The following CAMK1D variants were observed in gnomAD, a reference collection of about 807,000 sequenced individuals.
CAMK1D encodes the protein calcium/calmodulin dependent protein kinase ID.
Under a neutral mutation model 47.7 loss-of-function variants are expected in CAMK1D, and 9 were observed. The observed-to-expected ratio is 0.19, with a 90% confidence interval of 0.11 to 0.33. CAMK1D has a LOEUF of 0.33. CAMK1D is among the 10% of genes least tolerant of loss of function. CAMK1D has a pLI of 1.00. For synonymous variants in CAMK1D, 184 were observed against 184.9 expected (o/e 0.99, Z 0.04); for missense variants, 291 against 488.7 (o/e 0.60, Z 3.81).
At chr10:12,725,985 G>T (rs1426282195) in intron 3 of CAMK1D, among the ~76,000 whole-genome samples, 1 of 151,994 alleles carries the variant, frequency 6.6e-6, no homozygotes, top group Non-Finnish European at 1.5e-5. Context: ...TCAAACTCCT[G>T]ATCTCAGGTG....
At chr10:12,480,572 G>T (rs1290315987) in intron 1 of CAMK1D, among the ~76,000 whole-genome samples, 1 of 152,190 alleles carries the variant, frequency 6.6e-6, no homozygotes, top group Non-Finnish European at 1.5e-5. Flanking sequence ...TAACCACTTG[G>T]GCTCAGATGA....
Position 12,519,400 on chromosome 10 carries a change from C to G in CAMK1D, c.93-33825C>G, listed in dbSNP as rs1386802860. ...GACGGGGCGGCTGGCCGACCCCCCC[C>G]CCCCCGCCTCCCTCCCGGACGGGGC... On this transcript the variant is annotated intron_variant, in intron 1 of 10. Coordinates refer to ENST00000619168, the MANE Select transcript of CAMK1D (RefSeq NM_153498.4). 1.4e-4 allele frequency among the ~76,000 whole-genome samples: 2 copies of G among 14,550 alleles called. 1 individual carries two copies. The highest frequency in any genetic ancestry group is 3.1e-4 in the Non-Finnish European group (2 of 6,544). 9.5% of individuals were successfully genotyped at this position (14,550 alleles called of 152,430 possible).
At chr10:12,504,924 G>A (rs1834824242) in intron 1 of CAMK1D, among the ~76,000 whole-genome samples, 1 of 152,170 alleles carries the variant, frequency 6.6e-6, no homozygotes, top group Non-Finnish European at 1.5e-5. Context: ...CGGATCTCTT[G>A]CAGGCAGGGT....
At chr10:12,756,499 G>T (rs1228907493) in intron 3 of CAMK1D, among the ~76,000 whole-genome samples, 1 of 152,178 alleles carries the variant, frequency 6.6e-6, no homozygotes, top group Non-Finnish European at 1.5e-5. Flanking sequence ...TGAAAGAAAT[G>T]GGATCATGTA....
chr10:12,503,353 C>T (rs542961187), intron 1 of CAMK1D, among the ~76,000 whole-genome samples: 11 of 152,164 alleles, frequency 7.2e-5, no homozygotes, highest in Non-Finnish European at 1.2e-4. Flanking sequence ...CATGAGTGAA[C>T]GTAAAACAAC....
At chr10:12,745,042 G>A (rs1835600442) in intron 3 of CAMK1D, among the ~76,000 whole-genome samples, 1 of 152,206 alleles carries the variant, frequency 6.6e-6, no homozygotes, top group Admixed American at 6.5e-5. Flanking sequence ...GTCCATTCTG[G>A]ACTCCCTCAT....
chr10:12,406,277 T>G (rs1357640203), intron 1 of CAMK1D, among the ~76,000 whole-genome samples: 1 of 152,156 alleles, frequency 6.6e-6, no homozygotes, highest in Non-Finnish European at 1.5e-5. Context: ...AACAGCTCCC[T>G]CCCTGGTTCA....
chr10:12,434,671 C>T (rs1832577092), intron 1 of CAMK1D, among the ~76,000 whole-genome samples: 2 of 152,204 alleles, frequency 1.3e-5, no homozygotes, highest in Non-Finnish European at 2.9e-5. Flanking sequence ...AAGTGAAAAA[C>T]GTCCTTGTGC....
intron 3 of CAMK1D, among the ~76,000 whole-genome samples, chr10:12,679,215 T>C (rs45535437): frequency 0.012 from 1,807 of 152,356 alleles, 19 homozygotes; most frequent in Admixed American, 0.02. Flanking sequence ...ATATGAACAA[T>C]TGTAACCTTT....
intron 1 of CAMK1D, among the ~76,000 whole-genome samples, chr10:12,354,939 T>C (rs1837464124): frequency 6.6e-6 from 1 of 151,120 alleles, no homozygotes; most frequent in African/African-American, 2.4e-5. Context: ...ACTCCTGGGC[T>C]CAAGTGATTC....
At chr10:12,351,286 A>G (rs765484600) in intron 1 of CAMK1D, among the ~76,000 whole-genome samples, 28 of 152,188 alleles carry the variant, frequency 1.8e-4, no homozygotes, top group Non-Finnish European at 4.0e-4. Context: ...ATGAAAACAG[A>G]AAAAGATGTA....
intron 1 of CAMK1D, among the ~76,000 whole-genome samples, chr10:12,451,875 C>T (rs1467427934): frequency 2.0e-5 from 3 of 152,048 alleles, no homozygotes; most frequent in Admixed American, 6.6e-5. Flanking sequence ...CTCAGTGTCC[C>T]GGGGGCTACT....
At chr10:12,645,676 G>A (rs538190554) in intron 2 of CAMK1D, among the ~76,000 whole-genome samples, 1 of 152,298 alleles carries the variant, frequency 6.6e-6, no homozygotes, top group South Asian at 2.1e-4. Context: ...TGGAGCTAGC[G>A]TTCCCCAAAA....
intron 2 of CAMK1D, among the ~76,000 whole-genome samples, chr10:12,588,443 A>G (rs759174196): frequency 2.0e-5 from 3 of 152,334 alleles, no homozygotes; most frequent in African/African-American, 4.8e-5. Context: ...CGTGCTCTCA[A>G]TAAGTGCTCG....
At chr10:12,562,241 A>AC (rs1205723202) in intron 2 of CAMK1D, among the ~76,000 whole-genome samples, 4 of 151,844 alleles carry the variant, frequency 2.6e-5, no homozygotes, top group East Asian at 1.9e-4. Flanking sequence ...TGAAGAGACC[A>AC]CCCCCCCTTA....
intron 1 of CAMK1D, among the ~76,000 whole-genome samples, chr10:12,528,367 A>G (rs1168044104): frequency 1.3e-5 from 2 of 152,256 alleles, no homozygotes; most frequent in African/African-American, 4.8e-5. Context: ...AGTGCCTCAC[A>G]TTGATCATCC....
At chr10:12,647,251 C>A (rs771936189) in intron 2 of CAMK1D, among the ~76,000 whole-genome samples, 1 of 145,356 alleles carries the variant, frequency 6.9e-6, no homozygotes, top group Non-Finnish European at 1.5e-5. Context: ...CCAGTTGAAG[C>A]GATCCTCCTG....
chr10:12,648,175 A>G (rs1278229650), intron 2 of CAMK1D, among the ~76,000 whole-genome samples: 1 of 152,236 alleles, frequency 6.6e-6, no homozygotes, highest in Non-Finnish European at 1.5e-5. Flanking sequence ...TCCAGGACAT[A>G]CAGCCATTGT....
chr10:12,376,966 G>C (rs1422373452), intron 1 of CAMK1D, among the ~76,000 whole-genome samples: 1 of 151,980 alleles, frequency 6.6e-6, no homozygotes, highest in Non-Finnish European at 1.5e-5. Flanking sequence ...TCACCATGTT[G>C]ACCAGGCTGG....
Sources: allele counts gnomAD v4.1 joint callset (sites outside exome capture counted in the v4.1 genomes callset), GRCh38; gene constraint gnomAD v4.1.1; transcripts MANE v1.5; gene names NCBI Gene and HGNC (gene_info 2026-07-23, HGNC 2026-07-21).